Variants in ATF7IP2 observed in about 807,000 individuals in gnomAD.
The protein encoded by ATF7IP2 is activating transcription factor 7-interacting protein 2.
A neutral mutation model predicts 64.2 loss-of-function variants in ATF7IP2; 42 were observed. The observed-to-expected ratio is 0.65, with a 90% CI of 0.51 to 0.85. The LOEUF (loss-of-function observed/expected upper bound fraction) is 0.85, where lower values mean the gene tolerates loss of function less well. Ranked by LOEUF, ATF7IP2 falls within the 40% of genes least tolerant of loss-of-function variation. The pLI is 0.00. For synonymous variants in ATF7IP2, 308 were observed against 272.8 expected (o/e 1.13, Z -1.27); for missense variants, 933 against 784.2 (o/e 1.19, Z -2.27).
At chr16:10,474,286 G>T (rs952850386) in intron 12 of ATF7IP2, among the ~76,000 whole-genome samples, 3 of 152,196 alleles carry the variant, frequency 2.0e-5, no homozygotes, top group Admixed American at 2.0e-4. Flanking sequence ...TGCAGTATGT[G>T]TCCTTCGGAG....
chr16:10,425,852 C>T (rs922002997), intron 3 of ATF7IP2, among the ~76,000 whole-genome samples: 8 of 151,454 alleles, frequency 5.3e-5, no homozygotes, highest in African/African-American at 1.9e-4. Context: ...GAGATCATGC[C>T]ATTGCACCCC....
intron 2 of ATF7IP2, among the ~76,000 whole-genome samples, chr16:10,417,628 T>C (rs991739557): frequency 1.3e-4 from 20 of 152,072 alleles, no homozygotes; most frequent in African/African-American, 4.6e-4. Context: ...ACAATAATGG[T>C]AGGGAACAAC....
intron 1 of ATF7IP2, among the ~76,000 whole-genome samples, chr16:10,402,448 G>C (rs1240330662): frequency 1.3e-5 from 2 of 151,988 alleles, no homozygotes; most frequent in Non-Finnish European, 2.9e-5. Context: ...TACTTGATAT[G>C]ATTTTGATTT....
At chr16:10,457,757 A>AGTATAGT (rs1227522411) in intron 9 of ATF7IP2, 2 of 346,666 alleles carry the variant, frequency 5.8e-6, no homozygotes, top group Non-Finnish European at 5.1e-6. Flanking sequence ...TCCAGGCTGG[A>AGTATAGT]GTATAGTGGT....
At chr16:10,463,020 C>A (rs2049425697) in intron 9 of ATF7IP2, among the ~76,000 whole-genome samples, 1 of 152,046 alleles carries the variant, frequency 6.6e-6, no homozygotes, top group South Asian at 2.1e-4. Context: ...AATTCATGTT[C>A]TTTGGTGAAA....
rs143426203 is a variant in ATF7IP2 at position 10,461,626 on chromosome 16, T to C, written c.1352+4097T>C. ...ATTCCATTTAAATGAAGTTCAAAAA[T>C]AGCCATAAAACAAAGTGCATGATTC... is the stretch of plus-strand genomic sequence containing the variant. On this transcript the variant is annotated intron_variant, in intron 9 of 13. Coordinates refer to ENST00000562102, the MANE Select transcript of ATF7IP2 (RefSeq NM_001393719.1). Among the ~76,000 whole-genome samples, 287 of 152,074 alleles carry C rather than the reference T, an allele frequency of 1.9e-3. 1 individual carries two copies. The highest frequency in any genetic ancestry group is 6.1e-3 in the African/African-American group (254 of 41,510).
chr16:10,460,468 C>G (rs532376812), intron 9 of ATF7IP2, among the ~76,000 whole-genome samples: 1 of 152,192 alleles, frequency 6.6e-6, no homozygotes, highest in Non-Finnish European at 1.5e-5. Context: ...TAGGATATTA[C>G]AAAGCTACAG....
intron 6 of ATF7IP2, among the ~76,000 whole-genome samples, chr16:10,433,936 T>A (rs1272213685): frequency 6.6e-6 from 1 of 152,218 alleles, no homozygotes; most frequent in Admixed American, 6.5e-5. Flanking sequence ...TACACTCATA[T>A]TTGTCTGTAA....
chr16:10,453,040 C>T (rs1004367066), intron 8 of ATF7IP2, among the ~76,000 whole-genome samples: 7 of 152,104 alleles, frequency 4.6e-5, no homozygotes, highest in Admixed American at 3.3e-4. Context: ...TGGGACCTGC[C>T]GAGCCAGAAC....
chr16:10,415,348 G>A (rs2047850138), intron 2 of ATF7IP2, among the ~76,000 whole-genome samples: 1 of 152,188 alleles, frequency 6.6e-6, no homozygotes, highest in Non-Finnish European at 1.5e-5. Context: ...ACTCATGTTT[G>A]ACAAAGATGT....
intron 12 of ATF7IP2, among the ~76,000 whole-genome samples, chr16:10,476,835 C>G (rs770841781): frequency 5.9e-5 from 9 of 152,156 alleles, no homozygotes; most frequent in Non-Finnish European, 8.8e-5. Context: ...AGAACAGGAT[C>G]TCATTCCTTT....
At chr16:10,477,681 T>C (rs1418318021) in intron 12 of ATF7IP2, among the ~76,000 whole-genome samples, 1 of 151,362 alleles carries the variant, frequency 6.6e-6, no homozygotes, top group African/African-American at 2.4e-5. Flanking sequence ...ATAAAGGGTA[T>C]TCAATTAGGA....
rs1338359312 is a variant in ATF7IP2, at chr16:10,473,549, T to C, written c.1482+15T>C. The C allele has an allele frequency of 1.6e-5, 24 of 1,501,408 alleles. No individual in the cohort carries two copies. The highest frequency in any genetic ancestry group is 9.2e-5 in the Admixed American group (5 of 54,332). The allele number at this position is 1,501,408 out of a possible 1,614,324, so 93.0% of individuals were successfully genotyped here. On this transcript the variant is annotated intron_variant, in intron 11 of 13. Coordinates refer to ENST00000562102, the MANE Select transcript of ATF7IP2 (RefSeq NM_001393719.1). The stretch of plus-strand genomic sequence containing the variant: ...CTGAAGTTATGGTGAGTAATAAATA[T>C]TGACTCTGAATATTGTTTATTTAAA...
In ATF7IP2 at chr16:10,481,633, C is replaced by G. The variant is rs189896361; in HGVS notation, c.1636-203C>G. On this transcript the variant is annotated intron_variant, in intron 13 of 13. Coordinates refer to ENST00000562102, the MANE Select transcript of ATF7IP2 (RefSeq NM_001393719.1). The stretch of plus-strand genomic sequence containing the variant: ...TTATCCCACATGTCTGGAACCTAAC[C>G]CATTCTGGATTATTGATATTCCAGG... Among the ~76,000 whole-genome samples, 353 of 152,202 alleles carry G rather than the reference C, an allele frequency of 2.3e-3. 3 individuals are homozygous for G. Among genetic ancestry groups the G allele is most frequent in the African/African-American group, 8.0e-3 (333 of 41,530 alleles).
At position 10,480,923 on chromosome 16, in the gene ATF7IP2, A is replaced by G. The variant is rs558873911; in HGVS notation, c.1594A>G (p.Asn532Asp). The change falls in exon 13 of 14, where the codon AAC (asparagine) becomes GAC (aspartate). Residue 532 changes from asparagine (N) to aspartate (D), a missense_variant. By Grantham distance (23) the Asn-to-Asp change is conservative. Transcript: ENST00000562102. ...PLESHSKAAS[N>D]SKETTPLAQN... ...GGAGTCACATTCGAAAGCTGCTTCA[A>G]ACTCAAAGGAAACAACCCCATTGGC... 76 of 1,613,174 alleles carry G rather than the reference A, an allele frequency of 4.7e-5. No homozygotes were observed. The highest frequency in any genetic ancestry group is 6.0e-5 in the Non-Finnish European group (71 of 1,179,286).
At chr16:10,439,397 G>T (rs996123915) in intron 7 of ATF7IP2, among the ~76,000 whole-genome samples, 1 of 151,164 alleles carries the variant, frequency 6.6e-6, no homozygotes, top group Non-Finnish European at 1.5e-5. Context: ...CACCGTGCCC[G>T]GCTAATTTTT....
intron 8 of ATF7IP2, among the ~76,000 whole-genome samples, chr16:10,441,083 A>T (rs897211408): frequency 5.9e-5 from 9 of 152,176 alleles, no homozygotes; most frequent in African/African-American, 1.9e-4. Flanking sequence ...ACATGAATTC[A>T]TCCTTTTTTT....
At chr16:10,438,459 C>T (rs536878037) in intron 7 of ATF7IP2, among the ~76,000 whole-genome samples, 1 of 150,864 alleles carries the variant, frequency 6.6e-6, no homozygotes, top group South Asian at 2.1e-4. Flanking sequence ...CACCATGTTG[C>T]CCATGCTTCC....
intron 1 of ATF7IP2, among the ~76,000 whole-genome samples, chr16:10,389,022 A>C (rs1469428586): frequency 2.0e-5 from 3 of 152,140 alleles, no homozygotes; most frequent in South Asian, 4.1e-4. Context: ...AAAAAAAAAA[A>C]AATTATAGTG....
Sources: gnomAD v4.1 joint callset for allele counts (sites outside exome capture counted in the v4.1 genomes callset) on GRCh38, gnomAD v4.1.1 for gene constraint, MANE v1.5 for transcripts, NCBI Gene and HGNC (gene_info 2026-07-23, HGNC 2026-07-21) for gene names.